Variants in FAM168A observed in about 807,000 individuals in gnomAD.
The protein encoded by FAM168A is protein FAM168A.
In FAM168A, 3 loss-of-function variants were observed where a neutral mutation model predicts 28.5. The ratio of observed to expected loss-of-function variants is 0.11; its 90% CI spans 0.05 to 0.27. FAM168A has a LOEUF of 0.27. Among genes scored for constraint, FAM168A ranks in the 10% least tolerant of loss-of-function variants. FAM168A has a pLI of 1.00. For missense variants in FAM168A, 222 were observed against 311.5 expected, an observed-to-expected ratio of 0.71 and a Z score of 2.16; for synonymous variants, 122 against 124.2, an observed-to-expected ratio of 0.98 and a Z score of 0.12.
chr11:73,548,707 C>A (rs1432971219), intron 1 of FAM168A, among the ~76,000 whole-genome samples: 2 of 152,158 alleles, frequency 1.3e-5, no homozygotes, highest in African/African-American at 4.8e-5. Flanking sequence ...GTGGTGCAAT[C>A]ATGGCCCACT....
chr11:73,565,861 C>T (rs561827875), intron 1 of FAM168A, among the ~76,000 whole-genome samples: 26 of 152,240 alleles, frequency 1.7e-4, no homozygotes, highest in African/African-American at 6.3e-4. Context: ...CTTGCGGCAT[C>T]CAATTAAGTA....
At chr11:73,409,723 C>A (rs1866574869) in intron 5 of FAM168A, 62 bp from the exon 6 acceptor site, 1 of 1,506,806 alleles carries the variant, frequency 6.6e-7, no homozygotes, top group South Asian at 1.3e-5. Context: ...ATGGAGAGAG[C>A]AGCACTGGCT....
chr11:73,595,202 A>C (rs942698570), intron 1 of FAM168A, among the ~76,000 whole-genome samples: 2 of 152,240 alleles, frequency 1.3e-5, no homozygotes, highest in Admixed American at 1.3e-4. Context: ...GTTATGAGAG[A>C]AATGCTCACA....
At chr11:73,536,554 G>GT (rs1943585064) in intron 1 of FAM168A, among the ~76,000 whole-genome samples, 1 of 152,140 alleles carries the variant, frequency 6.6e-6, no homozygotes, top group Non-Finnish European at 1.5e-5. Flanking sequence ...GGGCGTGGTG[G>GT]TGCATGGCTG....
At chr11:73,572,545 G>C (rs1944114352) in intron 1 of FAM168A, among the ~76,000 whole-genome samples, 1 of 150,790 alleles carries the variant, frequency 6.6e-6, no homozygotes, top group African/African-American at 2.5e-5. Flanking sequence ...AAATTCTTCT[G>C]CCTTGGGATC....
At chr11:73,437,569 C>T (rs1267677060) in intron 2 of FAM168A, among the ~76,000 whole-genome samples, 2 of 151,228 alleles carry the variant, frequency 1.3e-5, no homozygotes, top group Non-Finnish European at 2.9e-5. Flanking sequence ...AGAACCTCTT[C>T]AGTGAGTCAA....
chr11:73,534,989 G>T (rs142699853), intron 1 of FAM168A, among the ~76,000 whole-genome samples: 1 of 152,190 alleles, frequency 6.6e-6, no homozygotes, highest in Admixed American at 6.5e-5. Context: ...ACCACAGGCA[G>T]CCAGGCCTCC....
At chr11:73,412,755 T>C (rs1356511128) in intron 4 of FAM168A, among the ~76,000 whole-genome samples, 1 of 152,214 alleles carries the variant, frequency 6.6e-6, no homozygotes, top group Non-Finnish European at 1.5e-5. Flanking sequence ...GGTGGCTTCT[T>C]TCCTGTGGTT....
At chr11:73,497,670 C>A (rs1411248228) in intron 1 of FAM168A, among the ~76,000 whole-genome samples, 2 of 152,074 alleles carry the variant, frequency 1.3e-5, no homozygotes, top group Non-Finnish European at 2.9e-5. Context: ...CCAAACACCA[C>A]ACGTTCTCAC....
intron 2 of FAM168A, among the ~76,000 whole-genome samples, chr11:73,445,419 CTTTTTT>C (rs56294455): frequency 5.0e-4 from 25 of 50,454 alleles, no homozygotes; most frequent in African/African-American, 1.1e-3. Flanking sequence ...AAAAATGTCT[CTTTTTT>C]TTTTTTTTTT....
chr11:73,537,415 G>A (rs1943596195), intron 1 of FAM168A, among the ~76,000 whole-genome samples: 1 of 152,130 alleles, frequency 6.6e-6, no homozygotes, highest in African/African-American at 2.4e-5. Context: ...ACAAAAATTA[G>A]CCGGGCATGG....
intron 1 of FAM168A, among the ~76,000 whole-genome samples, chr11:73,575,852 A>C (rs1321686112): frequency 6.6e-6 from 1 of 151,510 alleles, no homozygotes; most frequent in Non-Finnish European, 1.5e-5. Flanking sequence ...CTGAGCAACA[A>C]GAGTCAAACT....
intron 1 of FAM168A, among the ~76,000 whole-genome samples, chr11:73,472,954 C>A (rs1409811084): frequency 6.6e-6 from 1 of 151,996 alleles, no homozygotes; most frequent in Non-Finnish European, 1.5e-5. Context: ...ACAATCAACA[C>A]CCCATAGAAG....
chr11:73,559,326 G>A (rs1943928679), intron 1 of FAM168A, among the ~76,000 whole-genome samples: 1 of 152,090 alleles, frequency 6.6e-6, no homozygotes, highest in African/African-American at 2.4e-5. Flanking sequence ...AGAATCGCTT[G>A]AATCCAGGAG....
chr11:73,428,585 A>G (rs997460876), intron 3 of FAM168A, among the ~76,000 whole-genome samples: 3 of 152,224 alleles, frequency 2.0e-5, no homozygotes, highest in Non-Finnish European at 2.9e-5. Flanking sequence ...AAGTCAATTC[A>G]CAGATCTCAT....
At chr11:73,549,496 T>C (rs982026108) in intron 1 of FAM168A, among the ~76,000 whole-genome samples, 1 of 152,352 alleles carries the variant, frequency 6.6e-6, no homozygotes, top group Non-Finnish European at 1.5e-5. Flanking sequence ...AGCATGGATA[T>C]AGAACATTTC....
intron 1 of FAM168A, among the ~76,000 whole-genome samples, chr11:73,524,562 G>T (rs1356143166): frequency 6.7e-6 from 1 of 149,336 alleles, no homozygotes; most frequent in Non-Finnish European, 1.5e-5. Flanking sequence ...CCTTATTTTT[G>T]ATATTATATA....
At chr11:73,547,850 G>GAA (rs35328162) in intron 1 of FAM168A, among the ~76,000 whole-genome samples, 10 of 138,468 alleles carry the variant, frequency 7.2e-5, no homozygotes, top group African/African-American at 2.1e-4. Flanking sequence ...AATGAATGGG[G>GAA]AAAAAAAAAA....
intron 1 of FAM168A, among the ~76,000 whole-genome samples, chr11:73,499,485 G>A (rs139735715): frequency 0.018 from 2,741 of 152,162 alleles, 66 homozygotes; most frequent in African/African-American, 0.055. Context: ...TGATTGCAAC[G>A]TCTCTCCATC....
Sources: allele counts gnomAD v4.1 joint callset (sites outside exome capture counted in the v4.1 genomes callset), GRCh38; gene constraint gnomAD v4.1.1; transcripts MANE v1.5; gene names NCBI Gene and HGNC (gene_info 2026-07-23, HGNC 2026-07-21).